MAN1C1: variants seen among roughly 807,000 people sequenced by gnomAD.
The protein encoded by MAN1C1 is mannosidase alpha class 1C member 1, also known as mannosyl-oligosaccharide 1,2-alpha-mannosidase IC.
A neutral mutation model predicts 71.5 loss-of-function variants in MAN1C1; 49 were observed. The observed-to-expected ratio is 0.69, with a 90% CI of 0.54 to 0.87. MAN1C1 has a LOEUF of 0.87. Ranked by LOEUF, MAN1C1 falls within the 40% of genes least tolerant of loss-of-function variation. MAN1C1 has a pLI of 0.00. For synonymous variants in MAN1C1, 352 were observed against 343.7 expected, an observed-to-expected ratio of 1.02 and a Z score of -0.27; for missense variants, 743 against 835.0, an observed-to-expected ratio of 0.89 and a Z score of 1.36.
At chr1:25,625,437 C>T (rs879485540) in intron 1 of MAN1C1, among the ~76,000 whole-genome samples, 21 of 152,178 alleles carry the variant, frequency 1.4e-4, no homozygotes, top group Admixed American at 2.6e-4. Context: ...ACGATTCCCC[C>T]ATCATCAACC....
intron 2 of MAN1C1, among the ~76,000 whole-genome samples, chr1:25,696,204 T>C (rs576856237): frequency 6.6e-6 from 1 of 152,228 alleles, no homozygotes; most frequent in Non-Finnish European, 1.5e-5. Context: ...TCTCACCGCA[T>C]TGATGGCAGC....
chr1:25,640,248 A>G (rs1005985239), intron 1 of MAN1C1, among the ~76,000 whole-genome samples: 2 of 152,108 alleles, frequency 1.3e-5, no homozygotes, highest in Non-Finnish European at 2.9e-5. Flanking sequence ...CATTTGTCTG[A>G]TTTGGGATGG....
intron 1 of MAN1C1, among the ~76,000 whole-genome samples, chr1:25,664,333 A>G (rs140436906): frequency 0.011 from 1,749 of 152,140 alleles, 31 homozygotes; most frequent in African/African-American, 0.039. Flanking sequence ...AGACACCACA[A>G]TAGTTCAAAA....
chr1:25,627,111 A>G (rs1342696452), intron 1 of MAN1C1, among the ~76,000 whole-genome samples: 1 of 152,144 alleles, frequency 6.6e-6, no homozygotes, highest in Middle Eastern at 3.2e-3. Flanking sequence ...CCAGTTGTTT[A>G]TCACTATTTG....
intron 2 of MAN1C1, among the ~76,000 whole-genome samples, chr1:25,694,552 G>A (rs1378483715): frequency 1.3e-5 from 2 of 152,304 alleles, no homozygotes; most frequent in Non-Finnish European, 2.9e-5. Context: ...CCTTGTAAAC[G>A]GAGCAAATAT....
intron 2 of MAN1C1, among the ~76,000 whole-genome samples, chr1:25,710,701 GA>G (rs1179271755): frequency 2.6e-5 from 4 of 152,174 alleles, no homozygotes; most frequent in African/African-American, 9.7e-5. Flanking sequence ...AGGAAATAGC[GA>G]GATAGACTTT....
intron 1 of MAN1C1, among the ~76,000 whole-genome samples, chr1:25,662,853 A>G (rs988690655): frequency 2.6e-5 from 4 of 152,202 alleles, no homozygotes; most frequent in African/African-American, 9.7e-5. Flanking sequence ...CGAGGTTAGG[A>G]GTTCGAGATA....
chr1:25,727,882 C>G (rs561587034), intron 2 of MAN1C1, among the ~76,000 whole-genome samples: 1 of 152,356 alleles, frequency 6.6e-6, no homozygotes, highest in South Asian at 2.1e-4. Context: ...CACCAGAGAG[C>G]AGGAGAGCGT....
intron 2 of MAN1C1, among the ~76,000 whole-genome samples, chr1:25,704,187 A>G (rs1241659105): frequency 6.6e-6 from 1 of 152,166 alleles, no homozygotes; most frequent in African/African-American, 2.4e-5. Context: ...CTAGCCACCC[A>G]GCCCCTTTAT....
At chr1:25,755,314 G>A (rs1000463276) in intron 5 of MAN1C1, among the ~76,000 whole-genome samples, 1 of 152,150 alleles carries the variant, frequency 6.6e-6, no homozygotes, top group Non-Finnish European at 1.5e-5. Context: ...CCTGTGCAAG[G>A]ACCTCTGCAG....
At chr1:25,717,589 T>C (rs1306189265) in intron 2 of MAN1C1, among the ~76,000 whole-genome samples, 2 of 151,608 alleles carry the variant, frequency 1.3e-5, no homozygotes, top group Non-Finnish European at 2.9e-5. Flanking sequence ...TTTTTTTTTT[T>C]TTTGAGATGG....
At chr1:25,777,525 C>T (rs989982998) in intron 8 of MAN1C1, 14 of 152,212 alleles carry the variant, frequency 9.2e-5, no homozygotes, top group African/African-American at 2.4e-5. Flanking sequence ...CAAGCTGCCA[C>T]ACCTCCCATT....
chr1:25,618,436 T>A, intron 1 of MAN1C1, 99 bp downstream of exon 1: 2 of 1,198,370 alleles, frequency 1.7e-6, no homozygotes, highest in Non-Finnish European at 2.3e-6. Flanking sequence ...CAGTCACTCC[T>A]GGTCCCAGGT....
At chr1:25,626,729 A>G (rs901546560) in intron 1 of MAN1C1, among the ~76,000 whole-genome samples, 1 of 152,172 alleles carries the variant, frequency 6.6e-6, no homozygotes, top group African/African-American at 2.4e-5. Context: ...AATGTCAAAA[A>G]CTGGTCTATT....
intron 1 of MAN1C1, among the ~76,000 whole-genome samples, chr1:25,656,257 C>T (rs1475772952): frequency 6.6e-6 from 1 of 151,428 alleles, no homozygotes; most frequent in Admixed American, 6.6e-5. Flanking sequence ...ACCACCATGC[C>T]CCGCTAATTT....
intron 2 of MAN1C1, among the ~76,000 whole-genome samples, chr1:25,719,042 T>C (rs2046722718): frequency 6.8e-6 from 1 of 147,454 alleles, no homozygotes; most frequent in Non-Finnish European, 1.5e-5. Flanking sequence ...TCTCTATATC[T>C]TTCCAATGCT....
chr1:25,718,845 G>C (rs1420366913), intron 2 of MAN1C1, among the ~76,000 whole-genome samples: 1 of 152,008 alleles, frequency 6.6e-6, no homozygotes, highest in Non-Finnish European at 1.5e-5. Context: ...GGACATTTGG[G>C]TTGTTTCCAC....
chr1:25,671,935 T>C (rs2045998367), intron 1 of MAN1C1, among the ~76,000 whole-genome samples: 1 of 152,122 alleles, frequency 6.6e-6, no homozygotes, highest in African/African-American at 2.4e-5. Flanking sequence ...GTGGGACTTA[T>C]TAGGGGAATT....
intron 2 of MAN1C1, among the ~76,000 whole-genome samples, chr1:25,706,447 C>T (rs964999619): frequency 6.6e-5 from 10 of 152,022 alleles, no homozygotes; most frequent in Non-Finnish European, 1.0e-4. Flanking sequence ...GCGTGTTGGT[C>T]GGGGCTCAGC....
Sources: allele counts gnomAD v4.1 joint callset (sites outside exome capture counted in the v4.1 genomes callset), GRCh38; gene constraint gnomAD v4.1.1; transcripts MANE v1.5; gene names NCBI Gene and HGNC (gene_info 2026-07-23, HGNC 2026-07-21).